CLSTN2: variants seen among roughly 807,000 people sequenced by gnomAD.
CLSTN2 encodes the protein calsyntenin 2.
In CLSTN2, 48 loss-of-function variants were observed where a neutral mutation model predicts 101.2. The observed-to-expected ratio is 0.47, with a 90% CI of 0.38 to 0.60. The LOEUF is 0.60. CLSTN2 is among the 20% of genes least tolerant of loss of function. The probability of loss-of-function intolerance (pLI) is 0.00; values close to 1 mark genes in which losing one functional copy is unlikely to be tolerated. For synonymous variants in CLSTN2, 481 were observed against 463.6 expected (o/e 1.04, Z -0.48); for missense variants, 1,160 against 1,238.2 (o/e 0.94, Z 0.95).
At chr3:140,304,931 G>A (rs1330814553) in intron 2 of CLSTN2, among the ~76,000 whole-genome samples, 1 of 151,992 alleles carries the variant, frequency 6.6e-6, no homozygotes, top group African/African-American at 2.4e-5. Flanking sequence ...AACCTACAGC[G>A]ATTGTCCAAT....
chr3:140,124,136 CAG>C (rs972114696), intron 1 of CLSTN2, among the ~76,000 whole-genome samples: 1 of 151,994 alleles, frequency 6.6e-6, no homozygotes, highest in African/African-American at 2.4e-5. Context: ...ATATGGGGAA[CAG>C]AGAATAGCAT....
intron 2 of CLSTN2, among the ~76,000 whole-genome samples, chr3:140,200,102 CT>C (rs2010699272): frequency 6.6e-6 from 1 of 152,112 alleles, no homozygotes; most frequent in African/African-American, 2.4e-5. Context: ...TACGTCTCCC[CT>C]TATATTTCTT....
chr3:139,966,242 G>A (rs1217377381), intron 1 of CLSTN2, among the ~76,000 whole-genome samples: 1 of 152,064 alleles, frequency 6.6e-6, no homozygotes, highest in Non-Finnish European at 1.5e-5. Flanking sequence ...CTGCAGCCAG[G>A]GACATCATCC....
intron 1 of CLSTN2, among the ~76,000 whole-genome samples, chr3:139,990,671 G>A (rs539957108): frequency 6.6e-6 from 1 of 152,368 alleles, no homozygotes; most frequent in East Asian, 1.9e-4. Context: ...CACCTGGGGG[G>A]TGAGAGCTGA....
intron 1 of CLSTN2, among the ~76,000 whole-genome samples, chr3:139,952,229 C>G (rs1935307085): frequency 6.6e-6 from 1 of 152,150 alleles, no homozygotes; most frequent in Admixed American, 6.5e-5. Context: ...AATGAGAAGA[C>G]CTGGTTGACA....
chr3:140,125,547 A>C (rs2009415806), intron 1 of CLSTN2, among the ~76,000 whole-genome samples: 1 of 152,096 alleles, frequency 6.6e-6, no homozygotes, highest in Non-Finnish European at 1.5e-5. Flanking sequence ...GATGAGGTGA[A>C]GGTATCAGCT....
At chr3:139,945,993 A>G (rs537170282) in intron 1 of CLSTN2, among the ~76,000 whole-genome samples, 3 of 152,214 alleles carry the variant, frequency 2.0e-5, no homozygotes, top group Non-Finnish European at 2.9e-5. Context: ...TTTTAGTGAC[A>G]CTTCCATTTA....
intron 1 of CLSTN2, among the ~76,000 whole-genome samples, chr3:139,944,239 G>A (rs1935182052): frequency 6.6e-6 from 1 of 152,218 alleles, no homozygotes; most frequent in Non-Finnish European, 1.5e-5. Flanking sequence ...TAGTAAAACA[G>A]CAGAACTGGG....
At chr3:140,544,769 C>G (rs572254831) in intron 9 of CLSTN2, among the ~76,000 whole-genome samples, 2 of 151,772 alleles carry the variant, frequency 1.3e-5, no homozygotes, top group Non-Finnish European at 2.9e-5. Context: ...GGGAGGGGTC[C>G]CAGGAGAGGG....
intron 2 of CLSTN2, among the ~76,000 whole-genome samples, chr3:140,379,870 T>A (rs1297930724): frequency 1.3e-5 from 2 of 152,194 alleles, no homozygotes; most frequent in Non-Finnish European, 2.9e-5. Context: ...GAAAGCTCAC[T>A]GAAAGAAGAC....
intron 1 of CLSTN2, among the ~76,000 whole-genome samples, chr3:140,060,762 G>A (rs182530764): frequency 1.9e-4 from 29 of 152,342 alleles, no homozygotes; most frequent in Non-Finnish European, 2.8e-4. Flanking sequence ...AACCACAGTG[G>A]TGGGCAACAC....
At chr3:140,295,249 A>G (rs1341657223) in intron 2 of CLSTN2, among the ~76,000 whole-genome samples, 1 of 152,096 alleles carries the variant, frequency 6.6e-6, no homozygotes, top group Non-Finnish European at 1.5e-5. Flanking sequence ...TTTTCTGTAA[A>G]TTACGTATTT....
intron 12 of CLSTN2, among the ~76,000 whole-genome samples, chr3:140,560,800 A>G (rs1576378272): frequency 6.6e-6 from 1 of 152,248 alleles, no homozygotes; most frequent in East Asian, 1.9e-4. Context: ...ATATGACCAG[A>G]CCTGACAAGA....
At chr3:140,432,140 A>G (rs761908891) in intron 5 of CLSTN2, among the ~76,000 whole-genome samples, 5 of 152,128 alleles carry the variant, frequency 3.3e-5, no homozygotes, top group Non-Finnish European at 7.4e-5. Context: ...TAGAAAGTGT[A>G]CAGTCCTGGG....
intron 1 of CLSTN2, among the ~76,000 whole-genome samples, chr3:140,118,290 T>G (rs1189172132): frequency 6.6e-6 from 1 of 152,266 alleles, no homozygotes; most frequent in African/African-American, 2.4e-5. Flanking sequence ...TGGTACTTGG[T>G]TGTGGCTGCC....
intron 1 of CLSTN2, among the ~76,000 whole-genome samples, chr3:139,983,906 A>C (rs537761315): frequency 9.2e-5 from 14 of 152,370 alleles, no homozygotes; most frequent in African/African-American, 3.1e-4. Flanking sequence ...GCTTCTAAAA[A>C]TAAATATATA....
intron 2 of CLSTN2, among the ~76,000 whole-genome samples, chr3:140,386,613 T>C (rs1576543688): frequency 6.6e-6 from 1 of 152,132 alleles, no homozygotes; most frequent in Admixed American, 6.5e-5. Flanking sequence ...ACTCTTTCTC[T>C]CTCTGGGTGT....
chr3:140,012,125 G>A (rs565796407), intron 1 of CLSTN2, among the ~76,000 whole-genome samples: 17 of 152,184 alleles, frequency 1.1e-4, no homozygotes, highest in South Asian at 2.1e-4. Context: ...GGTCCAGTGC[G>A]TGGTTGGCTC....
chr3:139,982,411 A>G (rs1935946678), intron 1 of CLSTN2, among the ~76,000 whole-genome samples: 1 of 152,050 alleles, frequency 6.6e-6, no homozygotes, highest in Non-Finnish European at 1.5e-5. Context: ...CTTAGTGGAT[A>G]TAATACCCTT....
Sources: gnomAD v4.1 joint callset for allele counts (sites outside exome capture counted in the v4.1 genomes callset) on GRCh38, gnomAD v4.1.1 for gene constraint, MANE v1.5 for transcripts, NCBI Gene and HGNC (gene_info 2026-07-23, HGNC 2026-07-21) for gene names.